The following ARL15 variants were observed in gnomAD, a reference collection of about 807,000 sequenced individuals.
The protein encoded by ARL15 is ARF like GTPase 15.
A neutral mutation model predicts 25.2 loss-of-function variants in ARL15; 19 were observed. That is an observed-to-expected ratio of 0.75 (90% CI 0.53 to 1.10). The LOEUF (loss-of-function observed/expected upper bound fraction) is 1.10. Ranked by LOEUF, ARL15 falls within the 50% of genes least tolerant of loss-of-function variation. The probability of loss-of-function intolerance (pLI) is 0.00; values close to 1 mark genes in which losing one functional copy is unlikely to be tolerated. For synonymous variants in ARL15, 94 were observed against 86.8 expected (o/e 1.08, Z -0.46); for missense variants, 220 against 246.0 (o/e 0.89, Z 0.71).
chr5:54,268,569 T>A (rs1323021093), intron 1 of ARL15, among the ~76,000 whole-genome samples: 1 of 152,212 alleles, frequency 6.6e-6, no homozygotes, highest in East Asian at 1.9e-4. Context: ...CCAGTTTTTC[T>A]GCTCTGTTTT....
intron 1 of ARL15, among the ~76,000 whole-genome samples, chr5:54,186,833 A>T (rs1335971749): frequency 2.0e-5 from 3 of 151,688 alleles, no homozygotes; most frequent in Non-Finnish European, 2.9e-5. Flanking sequence ...TATACATTTA[A>T]CTAGAGCTTT....
intron 4 of ARL15, among the ~76,000 whole-genome samples, chr5:53,967,345 A>T (rs1747598739): frequency 6.6e-6 from 1 of 152,226 alleles, no homozygotes; most frequent in African/African-American, 2.4e-5. Flanking sequence ...CAATAAAAGC[A>T]TGTAAAAGTA....
intron 3 of ARL15, among the ~76,000 whole-genome samples, chr5:54,125,301 T>C (rs1753213902): frequency 6.6e-6 from 1 of 152,108 alleles, no homozygotes; most frequent in Non-Finnish European, 1.5e-5. Flanking sequence ...CCCAAAGTGT[T>C]GGGATTACAG....
At chr5:54,037,633 T>C (rs2111927219) in intron 4 of ARL15, among the ~76,000 whole-genome samples, 1 of 152,236 alleles carries the variant, frequency 6.6e-6, no homozygotes, top group African/African-American at 2.4e-5. Context: ...TTTAGTATGC[T>C]TGACCCAGGA....
rs181084665 is a variant in ARL15, at chr5:54,056,488, G to C, written c.462+56714C>G. ...TTTACTAAAAATAAAAAATCAGCTG[G>C]GCATGCTGGCGTGCCCCTGTAGTCC... On this transcript the variant is annotated intron_variant, in intron 4 of 4. Transcript: ENST00000504924. Among the ~76,000 whole-genome samples the C allele has an allele frequency of 6.3e-3, 952 of 151,848 alleles. 19 individuals carry two copies. The highest frequency in any genetic ancestry group is 5.1e-3 in the Non-Finnish European group (347 of 67,966).
chr5:54,254,634 G>C (rs1757320435), intron 1 of ARL15, among the ~76,000 whole-genome samples: 1 of 152,156 alleles, frequency 6.6e-6, no homozygotes, highest in African/African-American at 2.4e-5. Flanking sequence ...CTAGCACCTA[G>C]CCTGGTGCCT....
chr5:54,186,085 A>G (rs896226149), intron 1 of ARL15, among the ~76,000 whole-genome samples: 1 of 151,958 alleles, frequency 6.6e-6, no homozygotes, highest in African/African-American at 2.4e-5. Context: ...TTCAAGAATT[A>G]CTGGTCTATT....
chr5:54,247,815 G>A (rs1053637330), intron 1 of ARL15, among the ~76,000 whole-genome samples: 1 of 151,824 alleles, frequency 6.6e-6, no homozygotes, highest in Non-Finnish European at 1.5e-5. Context: ...GTCAGGTTGG[G>A]CAGTTATAAA....
intron 4 of ARL15, among the ~76,000 whole-genome samples, chr5:53,907,457 CATATATATATATATAT>C: frequency 4.2e-5 from 1 of 23,850 alleles, no homozygotes; most frequent in Non-Finnish European, 7.0e-5. Flanking sequence ...CTTAAGAGTT[CATATATATATATATAT>C]ATATATATAT....
chr5:54,009,823 A>C (rs1749173491), intron 4 of ARL15, among the ~76,000 whole-genome samples: 1 of 152,192 alleles, frequency 6.6e-6, no homozygotes, highest in Non-Finnish European at 1.5e-5. Flanking sequence ...AGTAGGGAAC[A>C]TCTCCAAAAC....
chr5:54,154,933 C>T (rs1440980570), intron 2 of ARL15, among the ~76,000 whole-genome samples: 2 of 152,084 alleles, frequency 1.3e-5, no homozygotes, highest in Non-Finnish European at 2.9e-5. Flanking sequence ...CCATCCTGGG[C>T]AACATGGTGA....
intron 1 of ARL15, among the ~76,000 whole-genome samples, chr5:54,206,002 C>A (rs1326997308): frequency 6.6e-6 from 1 of 152,070 alleles, no homozygotes; most frequent in African/African-American, 2.4e-5. Context: ...TCCTCCACCC[C>A]CAGAATCTGT....
chr5:54,254,069 C>A (rs1387445811), intron 1 of ARL15, among the ~76,000 whole-genome samples: 5 of 152,198 alleles, frequency 3.3e-5, no homozygotes, highest in East Asian at 1.9e-4. Flanking sequence ...AAAAACTGGA[C>A]TCTATTCTGC....
At chr5:54,254,398 G>T (rs1757316068) in intron 1 of ARL15, among the ~76,000 whole-genome samples, 1 of 152,126 alleles carries the variant, frequency 6.6e-6, no homozygotes, top group South Asian at 2.1e-4. Flanking sequence ...ACATTTTGAG[G>T]TGTCACAGGA....
At chr5:53,887,756 G>A (rs1440276645) in intron 4 of ARL15, among the ~76,000 whole-genome samples, 2 of 152,128 alleles carry the variant, frequency 1.3e-5, no homozygotes, top group South Asian at 2.1e-4. Context: ...TAAATCTCAT[G>A]TGTCATGAAA....
intron 3 of ARL15, among the ~76,000 whole-genome samples, chr5:54,153,103 T>A (rs951321486): frequency 6.6e-6 from 1 of 152,224 alleles, no homozygotes; most frequent in South Asian, 2.1e-4. Context: ...ACAGCCATAT[T>A]TAAAACCCAT....
chr5:54,289,587 T>C (rs1758272684), intron 1 of ARL15, among the ~76,000 whole-genome samples: 1 of 152,222 alleles, frequency 6.6e-6, no homozygotes, highest in Admixed American at 6.5e-5. Context: ...AAATATTTAT[T>C]GAGAAGCAGT....
At chr5:54,296,030 A>G (rs1425490128) in intron 1 of ARL15, among the ~76,000 whole-genome samples, 1 of 152,226 alleles carries the variant, frequency 6.6e-6, no homozygotes, top group Non-Finnish European at 1.5e-5. Context: ...CTTAGGTAAC[A>G]GCTGTAAGCA....
chr5:54,029,306 TACCACCACCACC>T (rs1168500786), intron 4 of ARL15, among the ~76,000 whole-genome samples: 7 of 120,088 alleles, frequency 5.8e-5, no homozygotes, highest in African/African-American at 9.4e-5. Context: ...TAAAAACAGT[TACCACCACCACC>T]ACCACCACCA....
Sources: gnomAD v4.1 joint callset for allele counts (sites outside exome capture counted in the v4.1 genomes callset) on GRCh38, gnomAD v4.1.1 for gene constraint, MANE v1.5 for transcripts, NCBI Gene and HGNC (gene_info 2026-07-23, HGNC 2026-07-21) for gene names.